CLCN5: variants seen among roughly 807,000 people sequenced by gnomAD.
CLCN5 encodes H(+)/Cl(-) exchange transporter 5.
CLCN5 carries 17 observed loss-of-function variants against 54.0 expected under a neutral mutation model. The ratio of observed to expected loss-of-function variants is 0.31; its 90% CI spans 0.22 to 0.47. The LOEUF (loss-of-function observed/expected upper bound fraction) is 0.47. CLCN5 is among the 20% of genes least tolerant of loss of function. CLCN5 has a pLI of 1.00. For synonymous variants in CLCN5, 222 were observed against 233.0 expected (o/e 0.95, Z 0.43); for missense variants, 448 against 646.7 (o/e 0.69, Z 3.33).
At chrX:50,009,992 C>T (rs1475034020) in intron 3 of CLCN5, among the ~76,000 whole-genome samples, 4 of 111,180 alleles carry the variant, frequency 3.6e-5, no homozygotes, top group Non-Finnish European at 7.5e-5. Context: ...ATATTATAGC[C>T]TGAGAGGAGA....
intron 4 of CLCN5, among the ~76,000 whole-genome samples, chrX:50,056,990 T>G (rs1462819888): frequency 8.9e-6 from 1 of 112,090 alleles, no homozygotes; most frequent in Non-Finnish European, 1.9e-5. Context: ...TTTGTTGTCC[T>G]TCCTGCGTGT....
intron 3 of CLCN5, among the ~76,000 whole-genome samples, chrX:49,961,062 C>T (rs1927572190): frequency 9.0e-6 from 1 of 111,686 alleles, no homozygotes; most frequent in Non-Finnish European, 1.9e-5. Flanking sequence ...GGAGGGAAGA[C>T]GTGTGTGTCC....
At chrX:50,054,835 A>G (rs1016789429) in intron 4 of CLCN5, among the ~76,000 whole-genome samples, 2 of 111,636 alleles carry the variant, frequency 1.8e-5, no homozygotes, top group Non-Finnish European at 3.8e-5. Flanking sequence ...GAGGTTCCCC[A>G]TTTTCATTTA....
rs782656853 is a variant in CLCN5 at position 49,975,501 on chromosome X, G to A, written c.16+50187G>A. On this transcript the variant is annotated intron_variant, in intron 3 of 14. Transcript: ENST00000376091. ...TTGCCTGCAGCCACATGGAACAGCT[G>A]GCAGTTTTCTGACTCTCATCCTCTT... Among the ~76,000 whole-genome samples the A allele has an allele frequency of 9.9e-5, 11 of 111,569 alleles. 1 individual carries two copies. Among genetic ancestry groups the A allele is most frequent in the Admixed American group, 3.8e-4 (4 of 10,553 alleles).
intron 3 of CLCN5, among the ~76,000 whole-genome samples, chrX:49,998,585 C>A (rs868936941): frequency 4.5e-5 from 5 of 111,353 alleles, no homozygotes; most frequent in South Asian, 3.8e-4. Flanking sequence ...TGGATTTTCA[C>A]AATCCCCCTC....
chrX:50,054,041 C>T (rs1932669200), intron 4 of CLCN5, among the ~76,000 whole-genome samples: 1 of 110,793 alleles, frequency 9.0e-6, no homozygotes, highest in Admixed American at 9.7e-5. Context: ...CAACTGTGAT[C>T]CACTATTATT....
At chrX:50,016,191 C>T (rs1185099313) in intron 3 of CLCN5, among the ~76,000 whole-genome samples, 1 of 111,142 alleles carries the variant, frequency 9.0e-6, no homozygotes, top group African/African-American at 3.3e-5. Flanking sequence ...TTTTAACAGC[C>T]CTCCAGGTGA....
At chrX:50,003,515 C>CA (rs782560777) in intron 3 of CLCN5, 1 of 383,446 alleles carries the variant, frequency 2.6e-6, no homozygotes, top group Non-Finnish European at 5.2e-6. Context: ...CTCCCTCTCT[C>CA]ACATCCCTTG....
intron 3 of CLCN5, among the ~76,000 whole-genome samples, chrX:50,029,004 C>T (rs1931553527): frequency 8.9e-6 from 1 of 111,759 alleles, no homozygotes; most frequent in South Asian, 3.7e-4. Flanking sequence ...GGAATGTTTG[C>T]ACTGTGGTAC....
chrX:50,033,042 G>A (rs1395924488), intron 3 of CLCN5, among the ~76,000 whole-genome samples: 23 of 110,656 alleles, frequency 2.1e-4, no homozygotes, highest in South Asian at 3.8e-4. Context: ...GATATGCGGC[G>A]TTATTTCTGA....
chrX:50,007,721 T>C (rs1316344301), intron 3 of CLCN5, among the ~76,000 whole-genome samples: 1 of 111,324 alleles, frequency 9.0e-6, no homozygotes, highest in Non-Finnish European at 1.9e-5. Context: ...TTCAAACACA[T>C]ATATACATAA....
intron 6 of CLCN5, among the ~76,000 whole-genome samples, chrX:50,072,981 TCTA>T (rs1192376143): frequency 2.7e-5 from 3 of 110,050 alleles, no homozygotes; most frequent in African/African-American, 1.0e-4. Flanking sequence ...TTCTTAAACA[TCTA>T]CTCTCTCATT....
At chrX:49,924,626 A>G (rs781943563) in intron 2 of CLCN5, among the ~76,000 whole-genome samples, 7 of 111,969 alleles carry the variant, frequency 6.3e-5, no homozygotes, top group Non-Finnish European at 1.3e-4. Flanking sequence ...TACGCTCACT[A>G]TAGGAAATTT....
At chrX:49,950,504 CT>C (rs1412455726) in intron 3 of CLCN5, among the ~76,000 whole-genome samples, 1 of 111,206 alleles carries the variant, frequency 9.0e-6, no homozygotes, top group Non-Finnish European at 1.9e-5. Flanking sequence ...TATTACCCCC[CT>C]TTTAAAGTTG....
chrX:49,966,605 T>A (rs1197242813), intron 3 of CLCN5, among the ~76,000 whole-genome samples: 29 of 19,660 alleles, frequency 1.5e-3, no homozygotes, highest in South Asian at 4.5e-3. Context: ...TTTTTTTTTT[T>A]TTTTTTATTT....
chrX:50,081,938 T>A, intron 9 of CLCN5, 91 bp downstream of exon 9: 1 of 821,365 alleles, frequency 1.2e-6, no homozygotes, highest in Non-Finnish European at 1.8e-6. Context: ...TCTACCAATG[T>A]TAATGCAAAC....
At chrX:49,960,187 C>T (rs1434700245) in intron 3 of CLCN5, among the ~76,000 whole-genome samples, 1 of 110,673 alleles carries the variant, frequency 9.0e-6, no homozygotes, top group African/African-American at 3.3e-5. Context: ...CCACAGTATC[C>T]TCAATTCCCT....
intron 3 of CLCN5, among the ~76,000 whole-genome samples, chrX:49,979,270 G>GCCCA (rs1928622050): frequency 9.0e-6 from 1 of 110,903 alleles, no homozygotes; most frequent in Non-Finnish European, 1.9e-5. Flanking sequence ...CTTGCTTATA[G>GCCCA]CCCACCTCTC....
rs1374881939 is a variant in CLCN5, at chrX:50,095,069, G to A, written c.*2850G>A. 2.7e-5 allele frequency: 3 copies of A among 112,070 alleles called. No homozygotes were observed. Among genetic ancestry groups the A allele is most frequent in the South Asian group, 3.8e-4 (1 of 2,658 alleles). The allele number at this position is 112,070 out of a possible 1,213,427, so 9.2% of individuals were successfully genotyped here. ...TTTGTGATTTAAAAATTAATGAGTC[G>A]AGATGAGACTATTTTGGTATTAAAT... On this transcript the variant is annotated 3_prime_UTR_variant, in exon 15 of 15. Coordinates refer to ENST00000376091, the MANE Select transcript of CLCN5 (RefSeq NM_001127898.4).
Sources: gnomAD v4.1 joint callset for allele counts (sites outside exome capture counted in the v4.1 genomes callset) on GRCh38, gnomAD v4.1.1 for gene constraint, MANE v1.5 for transcripts, NCBI Gene and HGNC (gene_info 2026-07-23, HGNC 2026-07-21) for gene names.